Variants in WARS2 observed in about 807,000 individuals in gnomAD.
The protein encoded by WARS2 is tryptophan--tRNA ligase, mitochondrial.
In WARS2, 28 loss-of-function variants were observed where a neutral mutation model predicts 36.5. That is an observed-to-expected ratio of 0.77 (90% CI 0.57 to 1.05). The LOEUF (loss-of-function observed/expected upper bound fraction) is 1.05. Ranked by LOEUF, WARS2 falls within the 50% of genes least tolerant of loss-of-function variation. WARS2 has a pLI of 0.00. For synonymous variants in WARS2, 174 were observed against 178.4 expected (o/e 0.98, Z 0.20); for missense variants, 435 against 456.8 (o/e 0.95, Z 0.44).
At chr1:119,035,854 G>A (rs1044611912) in intron 4 of WARS2, among the ~76,000 whole-genome samples, 1 of 152,112 alleles carries the variant, frequency 6.6e-6, no homozygotes, top group Non-Finnish European at 1.5e-5. Flanking sequence ...CAATGGAAAG[G>A]CAAAATGTAA....
Position 119,140,552 on chromosome 1 carries a change from T to C in WARS2, c.90+3A>G. 1 of 1,612,992 alleles carries C rather than the reference T, an allele frequency of 6.2e-7. No individual in the cohort carries two copies. The highest frequency in any genetic ancestry group is 8.5e-7 in the Non-Finnish European group (1 of 1,179,148). On this transcript the variant is annotated splice_donor_region_variant and intron_variant, in intron 1 of 5. Coordinates refer to ENST00000235521, the MANE Select transcript of WARS2 (RefSeq NM_015836.4). ...CGCGGAGGGAAGGGCCGTCTTTGGTTACCTGGAGAGCGGGAGCAGCTGCGG... is the reference window on the plus strand; with the variant it reads ...CGCGGAGGGAAGGGCCGTCTTTGGTCACCTGGAGAGCGGGAGCAGCTGCGG...
chr1:119,134,897 G>A (rs943810739), intron 1 of WARS2, among the ~76,000 whole-genome samples: 20 of 152,168 alleles, frequency 1.3e-4, no homozygotes, highest in Non-Finnish European at 2.4e-4. Flanking sequence ...TAGAGTAAGT[G>A]TTCTCTGTGA....
intron 2 of WARS2, among the ~76,000 whole-genome samples, chr1:119,056,929 C>T (rs1211438855): frequency 6.6e-6 from 1 of 152,056 alleles, no homozygotes; most frequent in African/African-American, 2.4e-5. Flanking sequence ...GGTAAGTATA[C>T]GTTTAACTTT....
chr1:119,093,058 T>C (rs1004795614), intron 1 of WARS2, among the ~76,000 whole-genome samples: 2 of 152,186 alleles, frequency 1.3e-5, no homozygotes, highest in Non-Finnish European at 1.5e-5. Context: ...ATCCAAACCC[T>C]TAATTTAGTG....
chr1:119,119,510 G>A (rs587743647), intron 1 of WARS2, among the ~76,000 whole-genome samples: 1 of 152,182 alleles, frequency 6.6e-6, no homozygotes, highest in East Asian at 1.9e-4. Flanking sequence ...CATCAAGACA[G>A]GAAGTCAACA....
intron 1 of WARS2, among the ~76,000 whole-genome samples, chr1:119,113,783 T>C (rs73015028): frequency 0.01 from 1,572 of 152,270 alleles, 36 homozygotes; most frequent in African/African-American, 0.036. Flanking sequence ...TTTCTTCAAC[T>C]ATAATAAGAC....
intron 2 of WARS2, among the ~76,000 whole-genome samples, chr1:119,069,888 C>T (rs1256113334): frequency 6.6e-6 from 1 of 152,102 alleles, no homozygotes; most frequent in Non-Finnish European, 1.5e-5. Context: ...CCCCACTTCC[C>T]CTCCACAAGC....
At chr1:119,109,208 C>A in intron 1 of WARS2, among the ~76,000 whole-genome samples, 1 of 151,908 alleles carries the variant, frequency 6.6e-6, no homozygotes, top group East Asian at 1.9e-4. Context: ...TACAAATCAT[C>A]TATAGATGTC....
chr1:119,132,654 G>C (rs879546706), intron 1 of WARS2, among the ~76,000 whole-genome samples: 2 of 152,076 alleles, frequency 1.3e-5, no homozygotes, highest in Non-Finnish European at 2.9e-5. Flanking sequence ...TAAAGAGTAG[G>C]CTTTATTCAT....
chr1:119,040,933 C>G (rs1366339292), intron 4 of WARS2, among the ~76,000 whole-genome samples: 1 of 152,138 alleles, frequency 6.6e-6, no homozygotes, highest in Non-Finnish European at 1.5e-5. Context: ...AAGTCAAAAG[C>G]TACTTATTAC....
intron 1 of WARS2, among the ~76,000 whole-genome samples, chr1:119,125,321 C>G (rs1655578082): frequency 6.6e-6 from 1 of 152,158 alleles, no homozygotes; most frequent in Non-Finnish European, 1.5e-5. Flanking sequence ...TAATTTACAA[C>G]TGTGATACCC....
intron 4 of WARS2, among the ~76,000 whole-genome samples, chr1:119,041,974 T>C (rs761096117): frequency 1.8e-4 from 28 of 152,204 alleles, no homozygotes; most frequent in Non-Finnish European, 4.0e-4. Flanking sequence ...TAAGGGTTGA[T>C]GTATATAAAG....
At chr1:119,121,136 C>T (rs180958040) in intron 1 of WARS2, among the ~76,000 whole-genome samples, 4 of 152,036 alleles carry the variant, frequency 2.6e-5, no homozygotes, top group African/African-American at 4.8e-5. Flanking sequence ...GATCACATAC[C>T]TAGAAAACCC....
chr1:119,115,599 G>A (rs965953808), intron 1 of WARS2, among the ~76,000 whole-genome samples: 2 of 152,196 alleles, frequency 1.3e-5, no homozygotes. Context: ...CTTAATGGAT[G>A]TGAAGGCTGG....
chr1:119,052,648 A>G (rs1344697905), intron 2 of WARS2, among the ~76,000 whole-genome samples: 1 of 152,144 alleles, frequency 6.6e-6, no homozygotes, highest in Non-Finnish European at 1.5e-5. Context: ...AGTCACCTCT[A>G]TGTAAATTCT....
Position 119,117,727 on chromosome 1 carries a change from C to A in WARS2, c.90+22828G>T, listed in dbSNP as rs762734682. 3.9e-5 allele frequency among the ~76,000 whole-genome samples: 6 copies of A among 152,312 alleles called. No individual in the cohort carries two copies. In the East Asian group the frequency reaches 5.8e-4, roughly 15 times the overall value. On this transcript the variant is annotated intron_variant, in intron 1 of 5. Coordinates refer to ENST00000235521, the MANE Select transcript of WARS2 (RefSeq NM_015836.4). ...CCTCTACCAGAGCAGGTGCTGGTAT[C>A]CACAGCTGGGAGAACTGAAGATGGG... is the stretch of plus-strand genomic sequence containing the variant.
At chr1:119,072,862 A>G (rs1398226480) in intron 2 of WARS2, among the ~76,000 whole-genome samples, 1 of 152,194 alleles carries the variant, frequency 6.6e-6, no homozygotes, top group African/African-American at 2.4e-5. Context: ...TTCAACAAAG[A>G]AAATAACATC....
chr1:119,064,437 A>T (rs1650660864), intron 2 of WARS2: 1 of 152,136 alleles, frequency 6.6e-6, no homozygotes, highest in Non-Finnish European at 1.5e-5. Flanking sequence ...GGATGGCATG[A>T]TTGGTTTTGA....
intron 1 of WARS2, among the ~76,000 whole-genome samples, chr1:119,100,886 C>A (rs117253596): frequency 3.3e-5 from 5 of 152,208 alleles, no homozygotes; most frequent in Non-Finnish European, 5.9e-5. Flanking sequence ...GATACTCCCA[C>A]CTTGGCCTTC....
Sources: gnomAD v4.1 joint callset for allele counts (sites outside exome capture counted in the v4.1 genomes callset) on GRCh38, gnomAD v4.1.1 for gene constraint, MANE v1.5 for transcripts, NCBI Gene and HGNC (gene_info 2026-07-23, HGNC 2026-07-21) for gene names.